TBX6: variants seen among roughly 807,000 people sequenced by gnomAD.
The protein encoded by TBX6 is T-box transcription factor 6.
A neutral mutation model predicts 42.3 loss-of-function variants in TBX6; 29 were observed. The observed-to-expected ratio is 0.69, with a 90% CI of 0.51 to 0.93. The LOEUF is 0.93. TBX6 is among the 40% of genes least tolerant of loss of function. The pLI is 0.00. For synonymous variants in TBX6, 249 were observed against 245.1 expected (o/e 1.02, Z -0.15); for missense variants, 569 against 603.3 (o/e 0.94, Z 0.59).
Position 30,088,576 on chromosome 16 carries a change from C to T in TBX6, c.808G>A (p.Gly270Ser). ...LKIAANPFAK[G>S]FRENGRNCKR... ...CAGTTTCTGCCGTTCTCCCGGAAGCCTTTGGCAAAGGGATTGGCTGCAATC... is the reference window on the plus strand; with the variant it reads ...CAGTTTCTGCCGTTCTCCCGGAAGCTTTTGGCAAAGGGATTGGCTGCAATC... Residue 270 changes from glycine (G) to serine (S), a missense_variant, in exon 6 of 9, where the codon GGC (glycine) becomes AGC (serine). By Grantham distance (56) the Gly-to-Ser change is moderately conservative. Around this residue, in one of 3 missense-constraint regions of TBX6, gnomAD observed 190 missense variants for 250.6 expected, o/e 0.76. Transcript: ENST00000395224. The surrounding 1 kb of genome is among the most constrained non-coding windows in gnomAD (Gnocchi z 4.1). 1.2e-6 allele frequency: 2 copies of T among 1,614,202 alleles called. No homozygotes were observed. Among genetic ancestry groups the T allele is most frequent in the Non-Finnish European group, 1.7e-6 (2 of 1,180,050 alleles).
chr16:30,086,920 G>A lies in TBX6; in HGVS notation c.840-69C>T, dbSNP rs1326035466. 2.9e-5 allele frequency: 45 copies of A among 1,546,340 alleles called. No individual in the cohort carries two copies. The highest frequency in any genetic ancestry group is 7.5e-5 in the Admixed American group (4 of 53,070). ...ATGGTGATGGTAACAGTACTTACCCGGTGCCAGGCATTTCACCCTCCCAGG... is the reference window on the plus strand; with the variant it reads ...ATGGTGATGGTAACAGTACTTACCCAGTGCCAGGCATTTCACCCTCCCAGG... On this transcript the variant is annotated intron_variant, in intron 6 of 8. Coordinates refer to ENST00000395224, the MANE Select transcript of TBX6 (RefSeq NM_004608.4). The surrounding 1 kb of genome is among the most constrained non-coding windows in gnomAD (Gnocchi z 4.6).
intron 1 of TBX6, 51 bp from the exon 2 acceptor site, chr16:30,091,292 G>A: frequency 2.0e-6 from 2 of 1,024,694 alleles, no homozygotes; most frequent in South Asian, 1.7e-5. Context: ...CCAGATCCAG[G>A]ATCACAGCCC....
At chr16:30,087,068 C>T (rs978807423) in intron 6 of TBX6, among the ~76,000 whole-genome samples, 1 of 152,152 alleles carries the variant, frequency 6.6e-6, no homozygotes, top group Non-Finnish European at 1.5e-5. Flanking sequence ...TTTGTCCATG[C>T]TTTCCTATTG....
Position 30,086,115 on chromosome 16 carries a change from C to G in TBX6, c.*110G>C, listed in dbSNP as rs1027938008. 4 of 1,138,538 alleles carry G rather than the reference C, an allele frequency of 3.5e-6. No individual in the cohort carries two copies. In the African/African-American group the frequency reaches 8.1e-5, roughly 23 times the overall value. The allele number at this position is 1,138,538 out of a possible 1,614,324, so 70.5% of individuals were successfully genotyped here. The stretch of plus-strand genomic sequence containing the variant: ...AGTTGAGGGGGTGGGTGGGCAGGCC[C>G]AAGGCGGCCATTTGGTGTGGGGGAT... On this transcript the variant is annotated 3_prime_UTR_variant, in exon 9 of 9. Coordinates refer to ENST00000395224, the MANE Select transcript of TBX6 (RefSeq NM_004608.4). The surrounding 1 kb of genome is among the most constrained non-coding windows in gnomAD (Gnocchi z 4.6).
Position 30,090,968 on chromosome 16 carries a change from C to T in TBX6, c.143G>A (p.Cys48Tyr). Residue 48 changes from cysteine to tyrosine, a missense_variant, in exon 3 of 9, where the codon TGC becomes TAC. Physicochemically the swap from Cys to Tyr is radical, Grantham distance 194. This residue lies in a region of TBX6 where 134 missense variants were observed against 125.3 expected (regional missense o/e 1.07). Transcript: ENST00000395224. ...YPELDTPKLD[C>Y]FLSGMEAAPR... is the part of the protein sequence containing the mutation. Reference sequence around the variant, plus strand: ...AGCAGCCTCCATCCCGGAGAGGAAGCAATCCAGTTTAGGGGTGTCCAGTTC... The same window carrying T: ...AGCAGCCTCCATCCCGGAGAGGAAGTAATCCAGTTTAGGGGTGTCCAGTTC... 2 of 1,613,514 alleles carry T rather than the reference C, an allele frequency of 1.2e-6. No individual in the cohort carries two copies. Among genetic ancestry groups the T allele is most frequent in the Non-Finnish European group, 1.7e-6 (2 of 1,179,880 alleles).
At chr16:30,089,343 C>A (rs2072689396) in intron 3 of TBX6, 133 bp from the exon 4 acceptor site, 5 of 1,218,288 alleles carry the variant, frequency 4.1e-6, no homozygotes, top group South Asian at 3.0e-5. Flanking sequence ...GAATTAGAAC[C>A]CAGAGGGCAG....
At chr16:30,090,556 CA>C (rs2072705263) in intron 3 of TBX6, among the ~76,000 whole-genome samples, 1 of 152,136 alleles carries the variant, frequency 6.6e-6, no homozygotes, top group South Asian at 2.1e-4. Flanking sequence ...CCACAGACTC[CA>C]CAGACTGGCC....
In TBX6 at chr16:30,086,805, C is replaced by T. The variant is rs1596849117; in HGVS notation, c.886G>A (p.Ala296Thr). The T allele has an allele frequency of 1.2e-6, 2 of 1,613,622 alleles. No homozygotes were observed. The highest frequency in any genetic ancestry group is 4.5e-5 in the East Asian group (2 of 44,868). Residue 296 changes from alanine (A) to threonine (T), a missense_variant, in exon 7 of 9, where the codon GCA (alanine) becomes ACA (threonine). By Grantham distance (58) the Ala-to-Thr change is moderately conservative. This residue lies in a region of TBX6 where 245 missense variants were observed against 227.4 expected (regional missense o/e 1.08). Coordinates refer to ENST00000395224, the MANE Select transcript of TBX6 (RefSeq NM_004608.4). The surrounding 1 kb of genome is among the most constrained non-coding windows in gnomAD (Gnocchi z 4.6). ...CCGCTCCCATAGGCCTCTGTGGCTG[C>T]TGGCTCTGGGCCCCGCAGTTTCCTC... Reference protein sequence around the residue: ...VKRKLRGPEPAATEAYGSGDT... With the variant: ...VKRKLRGPEPTATEAYGSGDT...
chr16:30,087,428 A>G (rs956179048), intron 6 of TBX6, among the ~76,000 whole-genome samples: 6 of 152,034 alleles, frequency 3.9e-5, no homozygotes, highest in Admixed American at 2.0e-4. Flanking sequence ...TCCTCAAGGA[A>G]GTCCTCCCTG....
At chr16:30,090,030 G>A (rs1161628354) in intron 3 of TBX6, among the ~76,000 whole-genome samples, 1 of 151,962 alleles carries the variant, frequency 6.6e-6, no homozygotes, top group African/African-American at 2.4e-5. Context: ...AGGACAGACG[G>A]GTTAAGTGAT....
At chr16:30,087,898 CTTTTTTTTT>C (rs55866227) in intron 6 of TBX6, 3 of 68,936 alleles carry the variant, frequency 4.4e-5, no homozygotes, top group South Asian at 4.7e-4. Flanking sequence ...TCTTTTTTTT[CTTTTTTTTT>C]TTTTTTTTGA....
chr16:30,089,027 A>G lies in TBX6; in HGVS notation c.537T>C (p.Pro179=). 5 of 1,614,044 alleles carry G rather than the reference A, an allele frequency of 3.1e-6. No homozygotes were observed. Among genetic ancestry groups the G allele is most frequent in the Non-Finnish European group, 4.2e-6 (5 of 1,179,992 alleles). The change falls in exon 4 of 9, where the codon CCT becomes CCC. Residue 179 remains proline, a synonymous_variant. Coordinates refer to ENST00000395224, the MANE Select transcript of TBX6 (RefSeq NM_004608.4). The part of the protein sequence containing the change: ...PDRVYIHPDS[P]ATGAHWMRQP... ...GCCGCATCCAATGTGCACCAGTGGC[A>G]GGAGAGTCGGGGTGAATGTAGACAC...
At position 30,091,094 on chromosome 16, in the gene TBX6, C is replaced by T. The variant is rs2072716712; in HGVS notation, c.100G>A (p.Glu34Lys). Residue 34 changes from glutamate to lysine, a missense_variant, in exon 2 of 9, where the codon GAG becomes AAG. Around this residue, in one of 3 missense-constraint regions of TBX6, gnomAD observed 134 missense variants for 125.3 expected, o/e 1.07. Coordinates refer to ENST00000395224, the MANE Select transcript of TBX6 (RefSeq NM_004608.4). ...CGCTCACCGGGGTAGCGGTAGCCCT[C>T]CGCTAGGGCGGGTGGGAAGCTGGAG... ...ADSSFPPALA[E>K]GYRYPELDTP... The T allele has an allele frequency of 6.3e-7, 1 of 1,584,022 alleles. No homozygotes were observed. The highest frequency in any genetic ancestry group is 1.3e-5 in the African/African-American group (1 of 74,810).
At chr16:30,091,267 A>C in intron 1 of TBX6, 26 bp from the exon 2 acceptor site, 133 of 1,200,362 alleles carry the variant, frequency 1.1e-4, no homozygotes, top group Middle Eastern at 5.8e-4. Flanking sequence ...TTTATAGCTC[A>C]CAGCTCAGCC....
rs573877333 is a variant in TBX6 at position 30,091,140 on chromosome 16, C to T, written c.54G>A (p.Gly18=). The T allele has an allele frequency of 7.5e-6, 12 of 1,593,530 alleles. No individual in the cohort carries two copies. The South Asian group carries it at 1.4e-4, about 18-fold the overall frequency. Reference sequence around the variant, plus strand: ...TGGAGTCGGCCCCAGGTTGGGCGGGCCCCAGGCGGTAGCCGGCCCCCAGGG... The same window carrying T: ...TGGAGTCGGCCCCAGGTTGGGCGGGTCCCAGGCGGTAGCCGGCCCCCAGGG... ...YPSLGAGYRL[G]PAQPGADSSF... The change falls in exon 2 of 9, where the codon GGG becomes GGA. Residue 18 remains glycine, a synonymous_variant. Coordinates refer to ENST00000395224, the MANE Select transcript of TBX6 (RefSeq NM_004608.4).
rs1328486925 is a variant in TBX6, at chr16:30,088,169, C to T, written c.839+376G>A. The T allele has an allele frequency of 3.5e-6, 1 of 286,080 alleles. No homozygotes were observed. Among genetic ancestry groups the T allele is most frequent in the Non-Finnish European group, 6.9e-6 (1 of 145,924 alleles). 17.7% of individuals were successfully genotyped at this position (286,080 alleles called of 1,614,324 possible). On this transcript the variant is annotated intron_variant, in intron 6 of 8. Coordinates refer to ENST00000395224, the MANE Select transcript of TBX6 (RefSeq NM_004608.4). The surrounding 1 kb of genome is among the most constrained non-coding windows in gnomAD (Gnocchi z 4.1). ...GGCAGGCTGGTCTCGAACTCCTGGC[C>T]TCAGGTGATCTGCCCGCCTCAGCCT...
chr16:30,086,137 G>T lies in TBX6; in HGVS notation c.*88C>A. On this transcript the variant is annotated 3_prime_UTR_variant, in exon 9 of 9. Transcript: ENST00000395224. This position sits in a 1 kb window ranked among gnomAD's most constrained non-coding sequence, Gnocchi z 4.6. ...GCCCAAGGCGGCCATTTGGTGTGGG[G>T]GATGGGGCCGGTGGAGGTGAGGGGG... is the stretch of plus-strand genomic sequence containing the variant. 6.9e-7 allele frequency: 1 copy of T among 1,451,968 alleles called. No homozygotes were observed. The highest frequency in any genetic ancestry group is 9.4e-7 in the Non-Finnish European group (1 of 1,062,306). 89.9% of individuals were successfully genotyped at this position (1,451,968 alleles called of 1,614,324 possible).
Position 30,088,954 on chromosome 16 carries a change from G to A in TBX6, c.610C>T (p.Pro204Ser), listed in dbSNP as rs770723317. 1.9e-6 allele frequency: 3 copies of A among 1,608,800 alleles called. No individual in the cohort carries two copies. The highest frequency in any genetic ancestry group is 2.6e-6 in the Non-Finnish European group (3 of 1,175,886). ...AGCCTGGGCCTCACGTGGCCGTGGG[G>A]GTCCAGCGTGCTGTTGGTGAGCTTG... ...RVKLTNSTLD[P>S]HGHLILHSMH... is the part of the protein sequence containing the mutation. Residue 204 changes from proline (P) to serine (S), a missense_variant, in exon 4 of 9, where the codon CCC becomes TCC. Pro to Ser is a moderately conservative substitution (Grantham distance 74, BLOSUM62 -1). Transcript: ENST00000395224. The surrounding 1 kb of genome is among the most constrained non-coding windows in gnomAD (Gnocchi z 4.1).
chr16:30,090,720 A>T (rs369443124), intron 3 of TBX6, 38 bp downstream of exon 3: 60 of 1,590,518 alleles, frequency 3.8e-5, no homozygotes, highest in Non-Finnish European at 5.0e-5. Flanking sequence ...TTCCCAAGAG[A>T]CCCCCACCAG....
Sources: gnomAD v4.1 joint callset for allele counts (sites outside exome capture counted in the v4.1 genomes callset) on GRCh38, gnomAD v4.1.1 for gene constraint, gnomAD v4.1.1 regional missense constraint, Gnocchi (gnomAD v3.1) non-coding constraint, MANE v1.5 for transcripts, NCBI Gene and HGNC (gene_info 2026-07-23, HGNC 2026-07-21) for gene names.